DMP1: variants seen among roughly 807,000 people sequenced by gnomAD.
DMP1 encodes the protein dentin matrix acidic phosphoprotein 1, also known as dentin matrix protein 1.
DMP1 carries 20 observed loss-of-function variants against 14.6 expected under a neutral mutation model. The observed-to-expected ratio is 1.37, with a 90% CI of 0.96 to 1.99. DMP1 has a LOEUF of 1.99. Among genes scored for constraint, DMP1 ranks in the 30% most tolerant of loss-of-function variants. The pLI, the probability that DMP1 is intolerant of heterozygous loss-of-function variation, is 0.00. For missense variants in DMP1, 567 were observed against 620.5 expected, an observed-to-expected ratio of 0.91 and a Z score of 0.92; for synonymous variants, 197 against 215.3, an observed-to-expected ratio of 0.91 and a Z score of 0.75.
intron 1 of DMP1, among the ~76,000 whole-genome samples, chr4:87,653,788 C>G (rs978273766): frequency 6.6e-6 from 1 of 152,142 alleles, no homozygotes; most frequent in Middle Eastern, 3.4e-3. Context: ...TAACTCCTAT[C>G]ATTATTTTAG....
chr4:87,659,203 C>G lies in DMP1; in HGVS notation c.103-17C>G. The G allele has an allele frequency of 6.2e-7, 1 of 1,613,702 alleles. No homozygotes were observed. Among genetic ancestry groups the G allele is most frequent in the East Asian group, 2.2e-5 (1 of 44,854 alleles). On this transcript the variant is annotated splice_polypyrimidine_tract_variant and intron_variant, in intron 3 of 5. Coordinates refer to ENST00000339673, the MANE Select transcript of DMP1 (RefSeq NM_004407.4). ...TGTGAGGGAGTAATTTGTTTTCCTT[C>G]CTTTCCTTTTTTGCAGGGTCATTTG...
At chr4:87,653,483 T>C (rs562606620) in intron 1 of DMP1, among the ~76,000 whole-genome samples, 3 of 140,786 alleles carry the variant, frequency 2.1e-5, no homozygotes, top group Non-Finnish European at 3.0e-5. Flanking sequence ...AGGTGTGGAG[T>C]GGCACGATCA....
chr4:87,654,985 G>C (rs1011291581), intron 1 of DMP1, among the ~76,000 whole-genome samples: 2 of 152,170 alleles, frequency 1.3e-5, no homozygotes, highest in African/African-American at 4.8e-5. Context: ...AAAATTGTGA[G>C]GGAGGTATGT....
chr4:87,651,442 T>G (rs1441217933), intron 1 of DMP1, among the ~76,000 whole-genome samples: 2 of 152,142 alleles, frequency 1.3e-5, no homozygotes, highest in African/African-American at 2.4e-5. Flanking sequence ...GTTTGTTTGT[T>G]TCTCTGGATT....
At chr4:87,656,881 A>G in intron 2 of DMP1, 151 bp from the exon 3 acceptor site, 1 of 657,850 alleles carries the variant, frequency 1.5e-6, no homozygotes, top group East Asian at 2.7e-5. Context: ...CTTTAGGGAT[A>G]GGAAACAGAA....
Position 87,663,508 on chromosome 4 carries a change from G to C in DMP1, c.*188G>C, listed in dbSNP as rs1728995037. The C allele has an allele frequency of 1.2e-6, 1 of 802,566 alleles. No homozygotes were observed. The highest frequency in any genetic ancestry group is 1.7e-5 in the African/African-American group (1 of 58,020). The allele number at this position is 802,566 out of a possible 1,614,324, so 49.7% of individuals were successfully genotyped here. On this transcript the variant is annotated 3_prime_UTR_variant, in exon 6 of 6. Coordinates refer to ENST00000339673, the MANE Select transcript of DMP1 (RefSeq NM_004407.4). ...ATCATTTCACAGAGGTTTAAATACT[G>C]TGGAGTGACACCAGAACACAGCCAA...
chr4:87,658,355 G>C (rs1244180480), intron 3 of DMP1, among the ~76,000 whole-genome samples: 2 of 152,228 alleles, frequency 1.3e-5, no homozygotes, highest in African/African-American at 2.4e-5. Flanking sequence ...AAGGGGAAGG[G>C]GAAGAAGTGA....
chr4:87,653,485 G>A (rs1348908710), intron 1 of DMP1, among the ~76,000 whole-genome samples: 1 of 140,966 alleles, frequency 7.1e-6, no homozygotes, highest in Non-Finnish European at 1.5e-5. Flanking sequence ...GTGTGGAGTG[G>A]CACGATCATG....
At chr4:87,660,954 ACT>A (rs1728845491) in intron 5 of DMP1, among the ~76,000 whole-genome samples, 2 of 152,164 alleles carry the variant, frequency 1.3e-5, no homozygotes, top group Admixed American at 6.5e-5. Context: ...ATTTTTAAAA[ACT>A]CTGTTTCACA....
In DMP1 at chr4:87,656,519, C is replaced by G. The variant is rs376221415; in HGVS notation, c.27C>G (p.Phe9Leu). 9 of 1,609,996 alleles carry G rather than the reference C, an allele frequency of 5.6e-6. No homozygotes were observed. In the African/African-American group the frequency reaches 9.4e-5, roughly 17 times the overall value. Residue 9 changes from phenylalanine (F) to leucine (L), a missense_variant, in exon 2 of 6, where the codon TTC (phenylalanine) becomes TTG (leucine). Physicochemically the swap from Phe to Leu is conservative, Grantham distance 22. Transcript: ENST00000339673. ...TGAAGATCAGCATCCTGCTCATGTT[C>G]CTTTGGGGATTATCCTGTGCTCTCC... is the stretch of plus-strand genomic sequence containing the variant. The part of the protein sequence containing the change: MKISILLM[F>L]LWGLSCALPV...
At chr4:87,659,909 T>A (rs1278500911) in intron 5 of DMP1, among the ~76,000 whole-genome samples, 1 of 152,232 alleles carries the variant, frequency 6.6e-6, no homozygotes, top group African/African-American at 2.4e-5. Context: ...AGGACAGCCC[T>A]GAGGAAACTT....
chr4:87,656,822 T>A (rs1728711988), intron 2 of DMP1, among the ~76,000 whole-genome samples: 1 of 152,202 alleles, frequency 6.6e-6, no homozygotes, highest in South Asian at 2.1e-4. Flanking sequence ...TAGGACCTTG[T>A]TAGAAATCCA....
intron 1 of DMP1, among the ~76,000 whole-genome samples, chr4:87,653,386 GATATATATATATATATATATAT>G (rs57266829): frequency 0.023 from 1,312 of 57,784 alleles, 66 homozygotes; most frequent in Middle Eastern, 0.033. Flanking sequence ...ATTATCGAGT[GATATATATATATATATATATAT>G]ATATATATAT....
chr4:87,653,454 C>A (rs1728594034), intron 1 of DMP1, among the ~76,000 whole-genome samples: 1 of 119,462 alleles, frequency 8.4e-6, no homozygotes, highest in African/African-American at 2.9e-5. Flanking sequence ...GAGATAGGGT[C>A]TTGCTCTGTC....
intron 1 of DMP1, among the ~76,000 whole-genome samples, chr4:87,652,519 A>C (rs1728553167): frequency 6.6e-6 from 1 of 152,146 alleles, no homozygotes; most frequent in Non-Finnish European, 1.5e-5. Flanking sequence ...ATTTTAGTTT[A>C]CTAGACTTGC....
intron 1 of DMP1, among the ~76,000 whole-genome samples, chr4:87,653,906 C>T (rs1346706571): frequency 6.6e-6 from 1 of 152,088 alleles, no homozygotes; most frequent in African/African-American, 2.4e-5. Flanking sequence ...TTATGTGACA[C>T]AGGAGCCTTC....
At chr4:87,655,607 CA>C (rs1332457405) in intron 1 of DMP1, among the ~76,000 whole-genome samples, 63 of 149,256 alleles carry the variant, frequency 4.2e-4, no homozygotes, top group Non-Finnish European at 7.1e-4. Context: ...ACAAAAAAAG[CA>C]AAAAAAAATC....
In DMP1 at chr4:87,663,065, C is replaced by T. The variant is rs1442749162; in HGVS notation, c.1287C>T (p.Ser429=). The change falls in exon 6 of 6, where the codon AGC becomes AGT. Residue 429 remains serine, a synonymous_variant. Transcript: ENST00000339673. ...CCCCTGAGGATGAGAACAGCTCCAG[C>T]CAGGAGGGCCTCCAGTCTCACAGCA... ...PESPEDENSS[S]QEGLQSHSSS... is the part of the protein sequence containing the mutation. The T allele has an allele frequency of 5.6e-6, 9 of 1,614,070 alleles. No individual in the cohort carries two copies. The highest frequency in any genetic ancestry group is 6.8e-6 in the Non-Finnish European group (8 of 1,180,032).
chr4:87,651,425 T>G (rs1728528115), intron 1 of DMP1, among the ~76,000 whole-genome samples: 1 of 152,146 alleles, frequency 6.6e-6, no homozygotes, highest in Non-Finnish European at 1.5e-5. Context: ...AATTGGATTT[T>G]TTTTTGGTTT....
Sources: allele counts gnomAD v4.1 joint callset (sites outside exome capture counted in the v4.1 genomes callset), GRCh38; gene constraint gnomAD v4.1.1; transcripts MANE v1.5; gene names NCBI Gene and HGNC (gene_info 2026-07-23, HGNC 2026-07-21).